The following LAMA5 variants were observed in gnomAD, a reference collection of about 807,000 sequenced individuals.
LAMA5 encodes laminin subunit alpha 5.
Under a neutral mutation model 433.4 loss-of-function variants are expected in LAMA5, and 260 were observed. The ratio of observed to expected loss-of-function variants is 0.60; its 90% CI spans 0.54 to 0.66. LAMA5 has a LOEUF of 0.66. LAMA5 is among the 30% of genes least tolerant of loss of function. The pLI is 0.00. For missense variants in LAMA5, 5,378 were observed against 5,258.5 expected (o/e 1.02, Z -0.70); for synonymous variants, 2,620 against 2,226.6 (o/e 1.18, Z -4.97).
chr20:62,327,212 C>A (rs1293547705), intron 38 of LAMA5, 21 bp downstream of exon 38: 9 of 1,487,384 alleles, frequency 6.1e-6, no homozygotes, highest in African/African-American at 1.4e-5. Flanking sequence ...GTGCCTCCCC[C>A]AGACCTGATG....
chr20:62,322,798 A>G, intron 45 of LAMA5, 40 bp from the exon 46 acceptor site: 1 of 1,242,838 alleles, frequency 8.0e-7, no homozygotes, highest in Non-Finnish European at 1.1e-6. Context: ...GGGCCCTCTC[A>G]CCCCCCCAGG....
chr20:62,343,729 T>C (rs1982935865), intron 11 of LAMA5, among the ~76,000 whole-genome samples: 2 of 125,824 alleles, frequency 1.6e-5, no homozygotes, highest in Admixed American at 9.9e-5. Context: ...TGAGCTGAGA[T>C]TGCAGCATTG....
chr20:62,323,806 T>C lies in LAMA5; in HGVS notation c.5819A>G (p.Lys1940Arg). The C allele has an allele frequency of 6.2e-7, 1 of 1,610,914 alleles. No homozygotes were observed. The highest frequency in any genetic ancestry group is 1.1e-5 in the South Asian group (1 of 90,856). ...LRGGRTQCLC[K>R]PGYAGASCER... ...GCAGGAGGCACCTGCATAACCAGGT[T>C]TGCAGAGGCACTGGGTGCGGCCGCC... The change falls in exon 44 of 80, where the codon AAA becomes AGA. Residue 1940 changes from lysine (K) to arginine (R), a missense_variant. By Grantham distance (26) the Lys-to-Arg change is conservative. Coordinates refer to ENST00000252999, the MANE Select transcript of LAMA5 (RefSeq NM_005560.6).
chr20:62,326,527 G>A (rs187572404), intron 40 of LAMA5, 150 bp downstream of exon 40: 13 of 621,796 alleles, frequency 2.1e-5, no homozygotes, highest in Admixed American at 5.5e-5. Flanking sequence ...GACAATGGGT[G>A]TGGGGACCTC....
chr20:62,315,513 C>T (rs1261133687), intron 58 of LAMA5, among the ~76,000 whole-genome samples: 2 of 152,114 alleles, frequency 1.3e-5, no homozygotes, highest in African/African-American at 2.4e-5. Flanking sequence ...CAGTCCGCAG[C>T]CACAGGGGTC....
chr20:62,326,050 A>C (rs1209587494), intron 40 of LAMA5, among the ~76,000 whole-genome samples: 1 of 151,940 alleles, frequency 6.6e-6, no homozygotes, highest in Non-Finnish European at 1.5e-5. Flanking sequence ...GCGAAACCCC[A>C]TCTCTACTGA....
intron 28 of LAMA5, among the ~76,000 whole-genome samples, chr20:62,332,120 GCCCTGGGGCCAGGGAGCTGTGACTGC>G (rs1980578323): frequency 4.6e-5 from 7 of 152,152 alleles, no homozygotes; most frequent in Middle Eastern, 3.2e-3. Flanking sequence ...GGAGGTGGCT[GCCCTGGGGCCAGGGAGCTGTGACTGC>G]AGGTGCTTTC....
At chr20:62,329,092 C>T in intron 33 of LAMA5, 37 bp from the exon 34 acceptor site, 1 of 1,612,002 alleles carries the variant, frequency 6.2e-7, no homozygotes, top group African/African-American at 1.3e-5. Flanking sequence ...CAGCTCCCGG[C>T]CCAGACCCCC....
chr20:62,315,568 T>TGGAGCAGGAC (rs1986849291), intron 58 of LAMA5, among the ~76,000 whole-genome samples: 3 of 152,096 alleles, frequency 2.0e-5, no homozygotes, highest in Non-Finnish European at 1.5e-5. Context: ...TCCAAGCCTC[T>TGGAGCAGGAC]CAGGGTGGGA....
At position 62,359,874 on chromosome 20, in the gene LAMA5, G is replaced by A. The variant is rs1224352264; in HGVS notation, c.450+2526C>T. Reference sequence around the variant, plus strand: ...GGTATGAGATCCGAACCGTGATGCAGCCCACCCCGCCCTCCTCAGCCTTCC... The same window carrying A: ...GGTATGAGATCCGAACCGTGATGCAACCCACCCCGCCCTCCTCAGCCTTCC... On this transcript the variant is annotated intron_variant, in intron 2 of 79. Coordinates refer to ENST00000252999, the MANE Select transcript of LAMA5 (RefSeq NM_005560.6). This position sits in a 1 kb window ranked among gnomAD's most constrained non-coding sequence, Gnocchi z 4.3. Among the ~76,000 whole-genome samples the A allele has an allele frequency of 6.6e-6, 1 of 151,988 alleles. No individual in the cohort carries two copies. Among genetic ancestry groups the A allele is most frequent in the Non-Finnish European group, 1.5e-5 (1 of 67,964 alleles).
chr20:62,338,608 T>A lies in LAMA5; in HGVS notation c.1478A>T (p.Asn493Ile). Residue 493 changes from asparagine (N) to isoleucine (I), a missense_variant and splice_region_variant, in exon 12 of 80, where the codon AAT becomes ATT. By Grantham distance (149) the Asn-to-Ile change is moderately radical. Transcript: ENST00000252999. ...EQVLPAGQIVNCDCSAAGTQG... is the reference protein window; with the variant it reads ...EQVLPAGQIVICDCSAAGTQG... ...GGTCCCTGCCGCGCTGCAGTCACAA[T>A]CTGGAGGGTGGGGACAGGCAGGGGA... 6.2e-7 allele frequency: 1 copy of A among 1,608,624 alleles called. No homozygotes were observed. The highest frequency in any genetic ancestry group is 1.3e-5 in the African/African-American group (1 of 75,028).
At position 62,328,425 on chromosome 20, in the gene LAMA5, G is replaced by A. The variant is rs1321353138; in HGVS notation, c.4468C>T (p.Leu1490Phe). 6.6e-7 allele frequency: 1 copy of A among 1,511,028 alleles called. No individual in the cohort carries two copies. Among genetic ancestry groups the A allele is most frequent in the Admixed American group, 2.1e-5 (1 of 46,842 alleles). 93.6% of individuals were successfully genotyped at this position (1,511,028 alleles called of 1,614,324 possible). ...CACTGGCCCGTGAGCTCGTCACAGA[G>A]GCGGGCACCGCAGTCACAGGCTGTG... Reference protein sequence around the residue: ...NCRPCDCGARLCDELTGQCIC... With the variant: ...NCRPCDCGARFCDELTGQCIC... The change falls in exon 35 of 80, where the codon CTC (leucine) becomes TTC (phenylalanine). Residue 1490 changes from leucine (L) to phenylalanine (F), a missense_variant. Transcript: ENST00000252999.
At chr20:62,346,382 G>T in intron 9 of LAMA5, 124 bp downstream of exon 9, 1 of 1,355,442 alleles carries the variant, frequency 7.4e-7, no homozygotes, top group Non-Finnish European at 1.0e-6. Flanking sequence ...GGCCTGGGAG[G>T]CTCCTTCCTG....
At chr20:62,343,700 C>T (rs191988174) in intron 11 of LAMA5, among the ~76,000 whole-genome samples, 7 of 131,388 alleles carry the variant, frequency 5.3e-5, no homozygotes, top group East Asian at 2.6e-4. Flanking sequence ...CACTTGAACT[C>T]GGGGGGCAGA....
chr20:62,355,987 C>A (rs1191285153), intron 2 of LAMA5, among the ~76,000 whole-genome samples: 1 of 152,218 alleles, frequency 6.6e-6, no homozygotes, highest in South Asian at 2.1e-4. Context: ...AGGCTGCGCT[C>A]TCCTCGGCCC....
Position 62,311,256 on chromosome 20 carries a change from G to A in LAMA5, c.9994C>T (p.Pro3332Ser), listed in dbSNP as rs777958488. 21 of 1,606,130 alleles carry A rather than the reference G, an allele frequency of 1.3e-5. No individual in the cohort carries two copies. The East Asian group carries it at 4.7e-4, about 36-fold the overall frequency. The change falls in exon 73 of 80, where the codon CCA becomes TCA. Residue 3332 changes from proline (P) to serine (S), a missense_variant. Coordinates refer to ENST00000252999, the MANE Select transcript of LAMA5 (RefSeq NM_005560.6). ...GAGTCTCGGGTGGTCCTGAGGTGTGGGGGCAGCATGCAGGCAGGATGCCGG... is the reference window on the plus strand; with the variant it reads ...GAGTCTCGGGTGGTCCTGAGGTGTGAGGGCAGCATGCAGGCAGGATGCCGG... ...PARHPACMLP[P>S]HLRTTRDSYQ...
At chr20:62,363,347 G>T (rs1986368811) in intron 1 of LAMA5, among the ~76,000 whole-genome samples, 1 of 152,204 alleles carries the variant, frequency 6.6e-6, no homozygotes, top group Non-Finnish European at 1.5e-5. Flanking sequence ...CCCATCCAAA[G>T]AGTGGGGATA....
At position 62,316,675 on chromosome 20, in the gene LAMA5, G is replaced by C. The variant is rs757650899; in HGVS notation, c.7752C>G (p.Gly2584=). The C allele has an allele frequency of 1.3e-6, 2 of 1,594,210 alleles. No homozygotes were observed. Among genetic ancestry groups the C allele is most frequent in the Non-Finnish European group, 1.7e-6 (2 of 1,167,792 alleles). Reference sequence around the variant, plus strand: ...CCATCGGAGCCCAGCACTCACCAAGGCCCAGCCTCTGCTGTTCCTGGAGCA... The same window carrying C: ...CCATCGGAGCCCAGCACTCACCAAGCCCCAGCCTCTGCTGTTCCTGGAGCA... ...EAMLQEQQRL[G]LVWAALQGAR... is the part of the protein sequence containing the mutation. The change falls in exon 57 of 80, where the codon GGC becomes GGG. Residue 2584 remains glycine (G), a synonymous_variant. Coordinates refer to ENST00000252999, the MANE Select transcript of LAMA5 (RefSeq NM_005560.6).
In LAMA5 at chr20:62,351,999, G is replaced by A. The variant is rs141906709; in HGVS notation, c.768C>T (p.Ala256=). 2 of 1,612,574 alleles carry A rather than the reference G, an allele frequency of 1.2e-6. No homozygotes were observed. Among genetic ancestry groups the A allele is most frequent in the African/African-American group, 2.7e-5 (2 of 74,948 alleles). ...GCAGGAAGCGCAGGCGGACGTTGGT[G>A]GCCTTGGTGAACTCACGTAGCAGCG... ...YSPLLREFTK[A]TNVRLRFLRT... Residue 256 remains alanine, a synonymous_variant, in exon 5 of 80, where the codon GCC becomes GCT. Transcript: ENST00000252999.
Sources: allele counts gnomAD v4.1 joint callset (sites outside exome capture counted in the v4.1 genomes callset), GRCh38; gene constraint gnomAD v4.1.1; non-coding constraint Gnocchi (gnomAD v3.1); transcripts MANE v1.5; gene names NCBI Gene and HGNC (gene_info 2026-07-23, HGNC 2026-07-21).